The following LONRF1 variants were observed in gnomAD, a reference collection of about 807,000 sequenced individuals.
LONRF1 encodes the protein LON peptidase N-terminal domain and ring finger 1.
A neutral mutation model predicts 85.8 loss-of-function variants in LONRF1; 37 were observed. The observed-to-expected ratio is 0.43, with a 90% CI of 0.33 to 0.57. The LOEUF is 0.57. LONRF1 is among the 20% of genes least tolerant of loss of function. The probability of loss-of-function intolerance (pLI) is 0.04; values close to 1 mark genes in which losing one functional copy is unlikely to be tolerated. For missense variants in LONRF1, 1,036 were observed against 978.0 expected (o/e 1.06, Z -0.79); for synonymous variants, 517 against 390.1 (o/e 1.33, Z -3.83).
In LONRF1 at chr8:12,729,416, C is replaced by T. The variant is rs186375690; in HGVS notation, c.1689-84G>A. 8.2e-4 allele frequency: 1,090 copies of T among 1,322,086 alleles called. 8 individuals are homozygous for T. In the African/African-American group the frequency reaches 0.012, roughly 15 times the overall value. 81.9% of individuals were successfully genotyped at this position (1,322,086 alleles called of 1,614,324 possible). A position where few individuals can be genotyped will look rare whatever the true frequency, so the allele number is the denominator to read the frequency against. ...TACAAAAAATGAGTGAGGTTTATAA[C>T]AGTAATGAACTAATGTAAAGCAAAA... On this transcript the variant is annotated intron_variant, in intron 8 of 11. Coordinates refer to ENST00000398246, the MANE Select transcript of LONRF1 (RefSeq NM_152271.5).
chr8:12,725,937 T>C (rs2117221112), intron 10 of LONRF1, 58 bp from the exon 11 acceptor site: 5 of 1,514,086 alleles, frequency 3.3e-6, no homozygotes, highest in Non-Finnish European at 3.6e-6. Context: ...ATATGCCATA[T>C]GCCAACCGAC....
intron 8 of LONRF1, among the ~76,000 whole-genome samples, chr8:12,730,106 T>C (rs1798471078): frequency 6.6e-6 from 1 of 152,228 alleles, no homozygotes; most frequent in Non-Finnish European, 1.5e-5. Flanking sequence ...TGTAGCAATG[T>C]GGATAGTAAC....
chr8:12,737,676 G>A (rs1482129666), intron 4 of LONRF1, among the ~76,000 whole-genome samples: 1 of 152,128 alleles, frequency 6.6e-6, no homozygotes. Flanking sequence ...GGTGACTTAT[G>A]TTATAATGAG....
At chr8:12,735,236 C>T in intron 7 of LONRF1, 50 bp downstream of exon 7, 1 of 1,222,472 alleles carries the variant, frequency 8.2e-7, no homozygotes, top group East Asian at 2.5e-5. Context: ...GAAATTAAAC[C>T]ATGCTGCCAA....
chr8:12,752,210 C>G (rs897126154), intron 1 of LONRF1, among the ~76,000 whole-genome samples: 3 of 152,126 alleles, frequency 2.0e-5, no homozygotes, highest in Admixed American at 2.0e-4. Context: ...ATAACTACAA[C>G]CGTACAGTTA....
intron 7 of LONRF1, among the ~76,000 whole-genome samples, chr8:12,734,072 T>C (rs554444104): frequency 1.3e-5 from 2 of 152,296 alleles, no homozygotes; most frequent in Non-Finnish European, 1.5e-5. Context: ...ACAGTTAATC[T>C]GGAAAAACAA....
intron 1 of LONRF1, among the ~76,000 whole-genome samples, chr8:12,750,312 A>G (rs1008632699): frequency 4.6e-5 from 7 of 152,392 alleles, no homozygotes; most frequent in African/African-American, 1.7e-4. Context: ...TAAATAAGTT[A>G]GCAAGAGCCT....
intron 2 of LONRF1, among the ~76,000 whole-genome samples, chr8:12,742,365 TA>T (rs1364381754): frequency 6.6e-6 from 1 of 152,222 alleles, no homozygotes; most frequent in Non-Finnish European, 1.5e-5. Flanking sequence ...GACAATTTGA[TA>T]AAAAGGAGAA....
At chr8:12,724,439 C>A (rs1237051646) in intron 11 of LONRF1, among the ~76,000 whole-genome samples, 1 of 152,202 alleles carries the variant, frequency 6.6e-6, no homozygotes, top group Non-Finnish European at 1.5e-5. Context: ...GATGCAGGAT[C>A]TCTGGTGGCA....
At chr8:12,727,221 G>A (rs539776342) in intron 10 of LONRF1, 86 of 146,848 alleles carry the variant, frequency 5.9e-4, no homozygotes, top group Middle Eastern at 3.0e-3. Context: ...AATTATAAGC[G>A]TCAGTGATGA....
intron 7 of LONRF1, among the ~76,000 whole-genome samples, chr8:12,734,162 G>T (rs868135827): frequency 6.6e-6 from 1 of 152,138 alleles, no homozygotes; most frequent in Non-Finnish European, 1.5e-5. Context: ...TAAAAACATT[G>T]AGCATATTAG....
Position 12,722,176 on chromosome 8 carries a change from C to A in LONRF1, c.*920G>T, listed in dbSNP as rs1312715971. ...AAAAGCTTAGTTCTATATTAAACTT[C>A]TTCTCTTTTCCCAGATCCTTAATGG... On this transcript the variant is annotated 3_prime_UTR_variant, in exon 12 of 12. Coordinates refer to ENST00000398246, the MANE Select transcript of LONRF1 (RefSeq NM_152271.5). 1 of 152,402 alleles carries A rather than the reference C, an allele frequency of 6.6e-6. No homozygotes were observed. The highest frequency in any genetic ancestry group is 1.9e-4 in the East Asian group (1 of 5,174). The allele number at this position is 152,402 out of a possible 1,614,324, so 9.4% of individuals were successfully genotyped here.
At chr8:12,733,868 C>T (rs762832738) in intron 7 of LONRF1, among the ~76,000 whole-genome samples, 1 of 152,052 alleles carries the variant, frequency 6.6e-6, no homozygotes, top group East Asian at 1.9e-4. Flanking sequence ...TTTGAATTTA[C>T]AAATTATATT....
chr8:12,730,223 A>C (rs1798476015), intron 8 of LONRF1, among the ~76,000 whole-genome samples: 1 of 152,234 alleles, frequency 6.6e-6, no homozygotes, highest in Non-Finnish European at 1.5e-5. Context: ...ACTGAATTAG[A>C]AGAAATGCTT....
intron 8 of LONRF1, among the ~76,000 whole-genome samples, chr8:12,731,332 C>T (rs774503512): frequency 5.3e-5 from 8 of 152,144 alleles, no homozygotes; most frequent in Non-Finnish European, 1.0e-4. Context: ...AGCCCCCTTC[C>T]GGGCCTCCAT....
intron 1 of LONRF1, among the ~76,000 whole-genome samples, chr8:12,751,296 G>GTTTTTTTTTTGTT (rs1563160503): frequency 1.4e-5 from 1 of 69,558 alleles, no homozygotes; most frequent in Non-Finnish European, 2.8e-5. Context: ...TTATTTTTAT[G>GTTTTTTTTTTGTT]TTTTTTTTTT....
At chr8:12,728,350 T>C (rs1056702372) in intron 10 of LONRF1, among the ~76,000 whole-genome samples, 1 of 152,224 alleles carries the variant, frequency 6.6e-6, no homozygotes, top group Non-Finnish European at 1.5e-5. Flanking sequence ...GTGCTTTCTA[T>C]GTCTGCCCCA....
rs1036295773 is a variant in LONRF1, at chr8:12,732,387, T to C, written c.1567-530A>G. Among the ~76,000 whole-genome samples the C allele has an allele frequency of 8.5e-5, 13 of 152,212 alleles. 1 individual carries two copies. Among genetic ancestry groups the C allele is most frequent in the African/African-American group, 3.1e-4 (13 of 41,464 alleles). On this transcript the variant is annotated intron_variant, in intron 7 of 11. Transcript: ENST00000398246. ...AGAGGAGCAGACCTCAACTCTGTCCTTGAGTGACCCAAGGAAGGTGCGTTT... is the reference window on the plus strand; with the variant it reads ...AGAGGAGCAGACCTCAACTCTGTCCCTGAGTGACCCAAGGAAGGTGCGTTT...
At chr8:12,744,722 T>G (rs76713927) in intron 1 of LONRF1, among the ~76,000 whole-genome samples, 4,539 of 152,240 alleles carry the variant, frequency 0.03, 97 homozygotes, top group South Asian at 0.11. Flanking sequence ...AGCATCAGCA[T>G]CAAAAACTCC....
Sources: allele counts gnomAD v4.1 joint callset (sites outside exome capture counted in the v4.1 genomes callset), GRCh38; gene constraint gnomAD v4.1.1; transcripts MANE v1.5; gene names NCBI Gene and HGNC (gene_info 2026-07-23, HGNC 2026-07-21).